Variants in ADGRL3 observed in about 807,000 individuals in gnomAD.
ADGRL3 encodes calcium-independent alpha-latrotoxin receptor 3.
Under a neutral mutation model 153.5 loss-of-function variants are expected in ADGRL3, and 62 were observed. That is an observed-to-expected ratio of 0.40 (90% CI 0.33 to 0.50). The LOEUF (loss-of-function observed/expected upper bound fraction) is 0.50, where lower values mean the gene tolerates loss of function less well. Among genes scored for constraint, ADGRL3 ranks in the 20% least tolerant of loss-of-function variants. ADGRL3 has a pLI of 0.47. For synonymous variants in ADGRL3, 710 were observed against 672.5 expected, an observed-to-expected ratio of 1.06 and a Z score of -0.86; for missense variants, 1,641 against 1,859.4, an observed-to-expected ratio of 0.88 and a Z score of 2.16.
At chr4:61,496,716 C>T (rs1052268488) in intron 2 of ADGRL3, among the ~76,000 whole-genome samples, 9 of 152,094 alleles carry the variant, frequency 5.9e-5, no homozygotes, top group Non-Finnish European at 8.8e-5. Flanking sequence ...CCCAGGATGG[C>T]GGATCACGAG....
At chr4:61,827,585 G>C (rs1218983137) in intron 9 of ADGRL3, among the ~76,000 whole-genome samples, 2 of 152,176 alleles carry the variant, frequency 1.3e-5, no homozygotes. Flanking sequence ...TGAGAGCAAA[G>C]AGAATTAGTA....
At chr4:61,671,727 C>A (rs1380333315) in intron 5 of ADGRL3, among the ~76,000 whole-genome samples, 1 of 152,036 alleles carries the variant, frequency 6.6e-6, no homozygotes, top group Non-Finnish European at 1.5e-5. Flanking sequence ...TTTATTTCAT[C>A]AGATCATCAT....
chr4:61,973,379 T>C (rs1207710615), intron 17 of ADGRL3, among the ~76,000 whole-genome samples: 1 of 151,956 alleles, frequency 6.6e-6, no homozygotes, highest in African/African-American at 2.4e-5. Context: ...ACTTTCGAGG[T>C]ATGTGAGTGC....
chr4:61,714,251 T>C (rs1407014007), intron 6 of ADGRL3, among the ~76,000 whole-genome samples: 1 of 50,710 alleles, frequency 2.0e-5, no homozygotes, highest in East Asian at 1.4e-3. Flanking sequence ...AAATACATTT[T>C]GCAGTAACAA....
chr4:61,466,460 A>T (rs1434850367), intron 2 of ADGRL3, among the ~76,000 whole-genome samples: 2 of 152,224 alleles, frequency 1.3e-5, no homozygotes, highest in Non-Finnish European at 2.9e-5. Flanking sequence ...TGTAGAAATT[A>T]TACTTTGTCT....
intron 5 of ADGRL3, among the ~76,000 whole-genome samples, chr4:61,670,402 G>A (rs1455066258): frequency 2.6e-5 from 4 of 152,002 alleles, no homozygotes; most frequent in African/African-American, 9.7e-5. Flanking sequence ...TAAAAATATA[G>A]TTATGTTTAA....
chr4:61,533,846 A>G (rs193300258), intron 4 of ADGRL3, among the ~76,000 whole-genome samples: 5 of 152,322 alleles, frequency 3.3e-5, no homozygotes, highest in Admixed American at 1.3e-4. Flanking sequence ...AATGACATCA[A>G]TAAGTAACTT....
chr4:61,745,331 A>G (rs1469038651), intron 8 of ADGRL3, among the ~76,000 whole-genome samples: 2 of 152,186 alleles, frequency 1.3e-5, no homozygotes, highest in Admixed American at 1.3e-4. Context: ...AAGGCAGGCC[A>G]ACATTCAGAC....
chr4:61,707,460 CA>C (rs2151413145), intron 6 of ADGRL3, among the ~76,000 whole-genome samples: 1 of 152,210 alleles, frequency 6.6e-6, no homozygotes, highest in Admixed American at 6.5e-5. Flanking sequence ...AGGTAAAATA[CA>C]GAGTGATAAT....
At chr4:61,788,761 A>T (rs938160468) in intron 8 of ADGRL3, among the ~76,000 whole-genome samples, 1 of 152,354 alleles carries the variant, frequency 6.6e-6, no homozygotes. Flanking sequence ...ATGTTAATGT[A>T]GACTGAGAGT....
intron 4 of ADGRL3, among the ~76,000 whole-genome samples, chr4:61,560,643 T>G (rs1341261117): frequency 9.3e-6 from 1 of 107,932 alleles, no homozygotes; most frequent in Admixed American, 9.9e-5. Context: ...ATTTGTGGGG[T>G]TTTTATTTAT....
intron 6 of ADGRL3, among the ~76,000 whole-genome samples, chr4:61,693,723 C>T (rs1466149181): frequency 6.6e-6 from 1 of 152,120 alleles, no homozygotes; most frequent in African/African-American, 2.4e-5. Context: ...AGTCAAATGT[C>T]TATTTAATTA....
intron 5 of ADGRL3, among the ~76,000 whole-genome samples, chr4:61,627,724 A>G (rs1374371073): frequency 1.3e-5 from 2 of 152,154 alleles, no homozygotes; most frequent in African/African-American, 4.8e-5. Flanking sequence ...AATAGAATAA[A>G]TGGTAGGGTT....
intron 17 of ADGRL3, among the ~76,000 whole-genome samples, chr4:61,971,317 C>A (rs1368277429): frequency 6.6e-6 from 1 of 151,962 alleles, no homozygotes; most frequent in Non-Finnish European, 1.5e-5. Flanking sequence ...CTCCCACCAC[C>A]CCACAACAGT....
chr4:61,810,511 G>A (rs910113926), intron 8 of ADGRL3, among the ~76,000 whole-genome samples: 3 of 152,162 alleles, frequency 2.0e-5, no homozygotes, highest in Non-Finnish European at 4.4e-5. Context: ...AAAGAGAGAA[G>A]AGCCTTTTCC....
chr4:61,846,947 T>A (rs1030604323), intron 9 of ADGRL3, among the ~76,000 whole-genome samples: 1 of 129,014 alleles, frequency 7.8e-6, no homozygotes, highest in South Asian at 2.3e-4. Flanking sequence ...TTTTATATAT[T>A]ATGTGTGTGT....
intron 4 of ADGRL3, among the ~76,000 whole-genome samples, chr4:61,519,336 T>C (rs906995227): frequency 5.3e-5 from 8 of 152,300 alleles, no homozygotes; most frequent in Admixed American, 5.2e-4. Context: ...TTTAAATCAA[T>C]TTACAAATAG....
chr4:61,341,617 T>C (rs1385728509), intron 1 of ADGRL3, among the ~76,000 whole-genome samples: 3 of 152,038 alleles, frequency 2.0e-5, no homozygotes, highest in Admixed American at 6.6e-5. Context: ...TTATGCAAAA[T>C]GTTCTCTTAG....
chr4:61,674,325 CT>C (rs924328515), intron 5 of ADGRL3, among the ~76,000 whole-genome samples: 4 of 151,606 alleles, frequency 2.6e-5, no homozygotes, highest in African/African-American at 9.7e-5. Context: ...CTATTATGCT[CT>C]GGTCAGAAAT....
Sources: gnomAD v4.1 joint callset for allele counts (sites outside exome capture counted in the v4.1 genomes callset) on GRCh38, gnomAD v4.1.1 for gene constraint, MANE v1.5 for transcripts, NCBI Gene and HGNC (gene_info 2026-07-23, HGNC 2026-07-21) for gene names.